FGF14: variants seen among roughly 807,000 people sequenced by gnomAD.
FGF14 encodes the protein fibroblast growth factor homologous factor 4.
Under a neutral mutation model 25.5 loss-of-function variants are expected in FGF14, and 5 were observed. That is an observed-to-expected ratio of 0.20 (90% confidence interval 0.10 to 0.41). FGF14 has a LOEUF of 0.41. Among genes scored for constraint, FGF14 ranks in the 10% least tolerant of loss-of-function variants. The pLI, the probability that FGF14 is intolerant of heterozygous loss-of-function variation, is 1.00. For synonymous variants in FGF14, 138 were observed against 118.3 expected (o/e 1.17, Z -1.08); for missense variants, 222 against 320.1 (o/e 0.69, Z 2.34).
At chr13:102,041,537 AAAC>A (rs1211208063) in intron 1 of FGF14, among the ~76,000 whole-genome samples, 20 of 71,440 alleles carry the variant, frequency 2.8e-4, no homozygotes, top group East Asian at 4.7e-3. Flanking sequence ...TAAAAAAAAA[AAAC>A]AGTGTATGTT....
intron 3 of FGF14, among the ~76,000 whole-genome samples, chr13:101,748,911 C>G (rs1478924382): frequency 6.6e-6 from 1 of 151,850 alleles, no homozygotes; most frequent in African/African-American, 2.4e-5. Context: ...TGGAAGCAAC[C>G]CAAATGTCCA....
intron 1 of FGF14, among the ~76,000 whole-genome samples, chr13:102,192,410 T>C (rs901363727): frequency 1.3e-5 from 2 of 152,222 alleles, no homozygotes; most frequent in South Asian, 4.1e-4. Flanking sequence ...CTTTATCAAA[T>C]AATTGTTCAA....
chr13:102,370,135 G>A (rs1019582689), intron 1 of FGF14, among the ~76,000 whole-genome samples: 13 of 152,114 alleles, frequency 8.5e-5, no homozygotes, highest in African/African-American at 3.1e-4. Context: ...GGAATGACAG[G>A]CATATGCCAC....
At chr13:101,733,929 T>C (rs1250626283) in intron 3 of FGF14, among the ~76,000 whole-genome samples, 3 of 151,688 alleles carry the variant, frequency 2.0e-5, no homozygotes, top group Non-Finnish European at 4.4e-5. Flanking sequence ...TTGATTTGAA[T>C]TTTCACTTAT....
At chr13:101,895,399 T>A (rs549913269) in intron 1 of FGF14, among the ~76,000 whole-genome samples, 86 of 152,272 alleles carry the variant, frequency 5.6e-4, no homozygotes, top group Middle Eastern at 3.4e-3. Flanking sequence ...AAAGAAATAC[T>A]TTATGTATTT....
intron 1 of FGF14, among the ~76,000 whole-genome samples, chr13:102,356,795 C>G (rs990338096): frequency 4.6e-5 from 7 of 151,808 alleles, no homozygotes; most frequent in Non-Finnish European, 7.4e-5. Flanking sequence ...CTGGAATACC[C>G]AGCAGCTGTT....
intron 1 of FGF14, among the ~76,000 whole-genome samples, chr13:102,042,552 T>C (rs934098531): frequency 6.6e-6 from 1 of 152,166 alleles, no homozygotes; most frequent in Admixed American, 6.5e-5. Context: ...GCCTGGCATA[T>C]AGTAGATGCT....
At chr13:102,313,436 T>C (rs972138424) in intron 1 of FGF14, among the ~76,000 whole-genome samples, 2 of 152,184 alleles carry the variant, frequency 1.3e-5, no homozygotes, top group African/African-American at 4.8e-5. Flanking sequence ...AAGGGCACTC[T>C]CGTCTCAGGG....
At chr13:102,021,971 A>G (rs2040675419) in intron 1 of FGF14, among the ~76,000 whole-genome samples, 1 of 152,068 alleles carries the variant, frequency 6.6e-6, no homozygotes, top group Non-Finnish European at 1.5e-5. Context: ...TTACCATTCC[A>G]GTTCTCAAGA....
chr13:102,216,237 C>G (rs2050364893), intron 1 of FGF14, among the ~76,000 whole-genome samples: 1 of 152,134 alleles, frequency 6.6e-6, no homozygotes, highest in African/African-American at 2.4e-5. Context: ...TGAGATAACA[C>G]AGGATGAGGT....
intron 3 of FGF14, among the ~76,000 whole-genome samples, chr13:101,825,272 T>C (rs866767449): frequency 4.6e-5 from 7 of 152,140 alleles, no homozygotes; most frequent in Non-Finnish European, 7.4e-5. Context: ...AATTGAATCA[T>C]AGGACTCCCG....
chr13:102,372,115 A>T (rs930493236), intron 1 of FGF14, among the ~76,000 whole-genome samples: 1 of 152,170 alleles, frequency 6.6e-6, no homozygotes, highest in African/African-American at 2.4e-5. Context: ...ATCCATTTTA[A>T]TGCTATAATT....
rs78723786 is a variant in FGF14, at chr13:101,761,230, A to C, written c.409-34420T>G. Among the ~76,000 whole-genome samples, 937 of 152,346 alleles carry C rather than the reference A, an allele frequency of 6.2e-3. 12 individuals carry two copies. Among genetic ancestry groups the C allele is most frequent in the African/African-American group, 0.021 (874 of 41,580 alleles). On this transcript the variant is annotated intron_variant, in intron 3 of 4. Transcript: ENST00000376143. The stretch of plus-strand genomic sequence containing the variant: ...TTATATAATTTGCGAACCTTCAAAT[A>C]AATCACAGAATATGCAGGAGAAAAC...
chr13:102,323,338 A>T (rs965734701), intron 1 of FGF14, among the ~76,000 whole-genome samples: 1 of 152,182 alleles, frequency 6.6e-6, no homozygotes. Context: ...TTATAAGTTC[A>T]TATTTTCTGT....
intron 1 of FGF14, among the ~76,000 whole-genome samples, chr13:101,979,749 AC>A (rs904862426): frequency 2.0e-5 from 3 of 152,228 alleles, no homozygotes; most frequent in African/African-American, 7.2e-5. Flanking sequence ...CAAAGTTAGT[AC>A]ACCCCATGGA....
At chr13:101,890,933 T>G (rs531179430) in intron 1 of FGF14, among the ~76,000 whole-genome samples, 1 of 152,240 alleles carries the variant, frequency 6.6e-6, no homozygotes, top group Admixed American at 6.5e-5. Context: ...GCCTTTTTTT[T>G]TTCTTATTGA....
At chr13:101,778,445 G>A (rs868617741) in intron 3 of FGF14, among the ~76,000 whole-genome samples, 3 of 152,120 alleles carry the variant, frequency 2.0e-5, no homozygotes, top group African/African-American at 7.2e-5. Flanking sequence ...GCCTCAGTCT[G>A]CAGCTGATGG....
intron 1 of FGF14, among the ~76,000 whole-genome samples, chr13:102,233,211 T>C (rs936574726): frequency 2.0e-5 from 3 of 152,146 alleles, no homozygotes; most frequent in African/African-American, 4.8e-5. Context: ...CTCGGCTCAC[T>C]GCAACCTCCG....
intron 1 of FGF14, among the ~76,000 whole-genome samples, chr13:101,959,866 C>T (rs978933102): frequency 2.0e-5 from 3 of 152,114 alleles, no homozygotes; most frequent in East Asian, 1.9e-4. Flanking sequence ...GGTCTCTGCT[C>T]GGTATATAAC....
Sources: allele counts gnomAD v4.1 joint callset (sites outside exome capture counted in the v4.1 genomes callset), GRCh38; gene constraint gnomAD v4.1.1; transcripts MANE v1.5; gene names NCBI Gene and HGNC (gene_info 2026-07-23, HGNC 2026-07-21).